The following NTRK3 variants were observed in gnomAD, a reference collection of about 807,000 sequenced individuals.
The protein encoded by NTRK3 is neurotrophic receptor tyrosine kinase 3.
NTRK3 carries 24 observed loss-of-function variants against 91.7 expected under a neutral mutation model. The observed-to-expected ratio is 0.26, with a 90% CI of 0.19 to 0.37. NTRK3 has a LOEUF of 0.37. Ranked by LOEUF, NTRK3 falls within the 10% of genes least tolerant of loss-of-function variation. The probability of loss-of-function intolerance (pLI) is 1.00; values close to 1 mark genes in which losing one functional copy is unlikely to be tolerated. For missense variants in NTRK3, 880 were observed against 1,068.9 expected, an observed-to-expected ratio of 0.82 and a Z score of 2.46; for synonymous variants, 483 against 404.0, an observed-to-expected ratio of 1.20 and a Z score of -2.34.
At chr15:88,019,213 T>G (rs1391882234) in intron 14 of NTRK3, among the ~76,000 whole-genome samples, 1 of 152,172 alleles carries the variant, frequency 6.6e-6, no homozygotes, top group Non-Finnish European at 1.5e-5. Flanking sequence ...GTATCAATGT[T>G]CTCATCTTCA....
intron 5 of NTRK3, among the ~76,000 whole-genome samples, chr15:88,169,344 C>CAA (rs958647747): frequency 1.3e-5 from 2 of 152,156 alleles, no homozygotes; most frequent in African/African-American, 4.8e-5. Flanking sequence ...GCAGGTAGTT[C>CAA]AAGGGAGACC....
At chr15:87,883,023 A>G (rs1330931059) in intron 17 of NTRK3, among the ~76,000 whole-genome samples, 1 of 151,880 alleles carries the variant, frequency 6.6e-6, no homozygotes, top group East Asian at 1.9e-4. Flanking sequence ...AAAATGGCAG[A>G]AAACATTGAA....
chr15:87,987,328 G>T (rs2074898788), intron 14 of NTRK3, among the ~76,000 whole-genome samples: 1 of 152,144 alleles, frequency 6.6e-6, no homozygotes, highest in Non-Finnish European at 1.5e-5. Flanking sequence ...CTAACAAACT[G>T]ATGGGTGGAA....
At chr15:87,923,991 T>C (rs1022982220) in intron 17 of NTRK3, among the ~76,000 whole-genome samples, 14 of 152,282 alleles carry the variant, frequency 9.2e-5, no homozygotes, top group Non-Finnish European at 2.1e-4. Flanking sequence ...AATAAATCTC[T>C]TTCTTTAATA....
rs148136437 is a variant in NTRK3, at chr15:88,246,376, G to C, written c.248+9530C>G. ...AGAAGGCGCCAAGCTCTCATCTCTA[G>C]TCAATGCCAGGACCTGCTATTTTCT... On this transcript the variant is annotated intron_variant, in intron 3 of 18. Transcript: ENST00000394480. 2.3e-3 allele frequency among the ~76,000 whole-genome samples: 355 copies of C among 152,314 alleles called. 1 individual carries two copies. Among genetic ancestry groups the C allele is most frequent in the African/African-American group, 8.2e-3 (341 of 41,566 alleles).
chr15:88,118,828 G>A (rs1332298728), intron 13 of NTRK3, among the ~76,000 whole-genome samples: 1 of 152,178 alleles, frequency 6.6e-6, no homozygotes, highest in African/African-American at 2.4e-5. Context: ...TCGCGGGGCT[G>A]TTAACCCTGT....
chr15:88,225,996 C>A (rs1018521916), intron 3 of NTRK3, among the ~76,000 whole-genome samples: 2 of 152,204 alleles, frequency 1.3e-5, no homozygotes, highest in Admixed American at 6.5e-5. Context: ...GGTGACAAGA[C>A]AAGGGCGATC....
chr15:88,109,497 G>C (rs998433768), intron 13 of NTRK3, among the ~76,000 whole-genome samples: 18 of 152,314 alleles, frequency 1.2e-4, no homozygotes, highest in African/African-American at 2.6e-4. Context: ...ATGGAAACAT[G>C]AAAGTGAAGC....
At chr15:88,028,746 T>C (rs2078264971) in intron 14 of NTRK3, among the ~76,000 whole-genome samples, 1 of 152,114 alleles carries the variant, frequency 6.6e-6, no homozygotes, top group South Asian at 2.1e-4. Flanking sequence ...CAGAGGCAGT[T>C]GCCTCTCCCC....
intron 14 of NTRK3, among the ~76,000 whole-genome samples, chr15:88,001,456 G>C (rs973976192): frequency 1.4e-4 from 22 of 152,166 alleles, no homozygotes; most frequent in African/African-American, 5.3e-4. Flanking sequence ...TCTTCTAAGA[G>C]TTTTATTGTT....
chr15:87,995,739 A>G (rs1343045446), intron 14 of NTRK3, among the ~76,000 whole-genome samples: 1 of 152,216 alleles, frequency 6.6e-6, no homozygotes. Context: ...AGAGACAGAC[A>G]GTAAATATTA....
At chr15:88,226,394 A>G (rs969893730) in intron 3 of NTRK3, among the ~76,000 whole-genome samples, 1 of 152,204 alleles carries the variant, frequency 6.6e-6, no homozygotes, top group Non-Finnish European at 1.5e-5. Context: ...GAAACAGGCC[A>G]CGAGCAGTCC....
At chr15:88,154,911 T>C (rs970659221) in intron 5 of NTRK3, among the ~76,000 whole-genome samples, 1 of 152,196 alleles carries the variant, frequency 6.6e-6, no homozygotes, top group Non-Finnish European at 1.5e-5. Flanking sequence ...ATCTTCTCCA[T>C]GGAGTGTCTA....
intron 13 of NTRK3, among the ~76,000 whole-genome samples, chr15:88,122,735 G>A (rs2052856802): frequency 1.3e-5 from 2 of 152,100 alleles, no homozygotes; most frequent in South Asian, 4.2e-4. Context: ...ATGGGGAATT[G>A]TTTATGAGTT....
chr15:87,879,710 T>C (rs550857387), intron 18 of NTRK3, among the ~76,000 whole-genome samples: 23 of 152,230 alleles, frequency 1.5e-4, no homozygotes, highest in Non-Finnish European at 2.4e-4. Context: ...AAAAATATAA[T>C]GGCTATTTAT....
chr15:87,872,083 A>G (rs938335364), exon 19 of NTRK3: 3 of 221,282 alleles, frequency 1.4e-5, no homozygotes, highest in African/African-American at 6.7e-5. Context: ...TTTTCTCTCT[A>G]AGGCAAATGC....
At chr15:87,968,585 C>A (rs1026614339) in intron 14 of NTRK3, among the ~76,000 whole-genome samples, 7 of 152,118 alleles carry the variant, frequency 4.6e-5, no homozygotes, top group African/African-American at 1.7e-4. Flanking sequence ...AAAAGCAACA[C>A]CTCCTAAATA....
chr15:88,073,055 A>T (rs2047227399), intron 13 of NTRK3: 1 of 192,966 alleles, frequency 5.2e-6, no homozygotes, highest in Non-Finnish European at 1.1e-5. Context: ...GTGGTGAGAC[A>T]GGCTTTGCTC....
At chr15:88,196,848 A>G (rs912849463) in intron 3 of NTRK3, among the ~76,000 whole-genome samples, 2 of 152,154 alleles carry the variant, frequency 1.3e-5, no homozygotes, top group Non-Finnish European at 2.9e-5. Flanking sequence ...TTGATGCCTA[A>G]CCTGTCTCCT....
Sources: gnomAD v4.1 joint callset for allele counts (sites outside exome capture counted in the v4.1 genomes callset) on GRCh38, gnomAD v4.1.1 for gene constraint, MANE v1.5 for transcripts, NCBI Gene and HGNC (gene_info 2026-07-23, HGNC 2026-07-21) for gene names.